Variants in PRRC2B observed in about 807,000 individuals in gnomAD.
The protein encoded by PRRC2B is proline rich coiled-coil 2B, also known as protein PRRC2B.
PRRC2B carries 68 observed loss-of-function variants against 242.3 expected under a neutral mutation model. The observed-to-expected ratio is 0.28, with a 90% CI of 0.23 to 0.34. The LOEUF is 0.34. PRRC2B is among the 10% of genes least tolerant of loss of function. The pLI, the probability that PRRC2B is intolerant of heterozygous loss-of-function variation, is 1.00. For synonymous variants in PRRC2B, 1,228 were observed against 1,173.6 expected, an observed-to-expected ratio of 1.05 and a Z score of -0.95; for missense variants, 2,835 against 2,954.8, an observed-to-expected ratio of 0.96 and a Z score of 0.94.
chr9:131,464,802 G>C lies in PRRC2B; in HGVS notation c.1444G>C (p.Glu482Gln). Residue 482 changes from glutamate to glutamine, a missense_variant, in exon 12 of 32, where the codon GAG (glutamate) becomes CAG (glutamine). This residue lies in a region of PRRC2B where 626 missense variants were observed against 685.5 expected (regional missense o/e 0.91). Transcript: ENST00000683519. The part of the protein sequence containing the change: ...MGSMFRQQSI[E>Q]DKEDKPPPRQ... Reference sequence around the variant, plus strand: ...CAGCATGTTCCGGCAACAGTCCATCGAGGACAAGGAGGACAAGCCCCCACC... The same window carrying C: ...CAGCATGTTCCGGCAACAGTCCATCCAGGACAAGGAGGACAAGCCCCCACC... 2 of 1,609,676 alleles carry C rather than the reference G, an allele frequency of 1.2e-6. No individual in the cohort carries two copies. Among genetic ancestry groups the C allele is most frequent in the Non-Finnish European group, 1.7e-6 (2 of 1,176,848 alleles).
At chr9:131,416,268 C>T (rs1837647956) in intron 1 of PRRC2B, among the ~76,000 whole-genome samples, 1 of 152,132 alleles carries the variant, frequency 6.6e-6, no homozygotes, top group Admixed American at 6.6e-5. Context: ...GCCACCACGC[C>T]TGACTAATTT....
intron 1 of PRRC2B, among the ~76,000 whole-genome samples, chr9:131,418,893 T>C (rs55982104): frequency 0.01 from 1,531 of 152,340 alleles, 23 homozygotes; most frequent in Non-Finnish European, 0.013. Context: ...GCGAGGCAGA[T>C]GATTAGTATT....
chr9:131,456,395 G>A (rs1383296735), intron 10 of PRRC2B, among the ~76,000 whole-genome samples: 2 of 151,944 alleles, frequency 1.3e-5, no homozygotes, highest in Non-Finnish European at 2.9e-5. Flanking sequence ...ACTTTGGGAG[G>A]CCAAGGCGGG....
chr9:131,476,445 G>A lies in PRRC2B; in HGVS notation c.4316G>A (p.Gly1439Glu), dbSNP rs1564297223. ...DRQSRKLEPG[G>E]FGEKPVRPGG... is the part of the protein sequence containing the mutation. ...CAGAGCCGAAAGCTGGAGCCGGGAG[G>A]GTTTGGGGAGAAGCCCGTTAGGCCA... The change falls in exon 16 of 32, where the codon GGG becomes GAG. Residue 1439 changes from glycine (G) to glutamate (E), a missense_variant. By Grantham distance (98) the Gly-to-Glu change is moderately conservative. Transcript: ENST00000683519. The A allele has an allele frequency of 1.2e-6, 2 of 1,613,260 alleles. No homozygotes were observed. Among genetic ancestry groups the A allele is most frequent in the African/African-American group, 1.3e-5 (1 of 75,048 alleles).
intron 1 of PRRC2B, among the ~76,000 whole-genome samples, chr9:131,380,054 G>A (rs1395966554): frequency 2.7e-5 from 4 of 147,824 alleles, no homozygotes; most frequent in Non-Finnish European, 6.0e-5. Flanking sequence ...GTGCAGTGGT[G>A]CAATCTTGGC....
At chr9:131,399,045 G>A (rs1837146859) in intron 1 of PRRC2B, among the ~76,000 whole-genome samples, 1 of 151,840 alleles carries the variant, frequency 6.6e-6, no homozygotes, top group Admixed American at 6.6e-5. Flanking sequence ...GCAGGCCGAG[G>A]TGGGCGGATC....
At chr9:131,488,202 G>C (rs908710265) in intron 28 of PRRC2B, 106 bp downstream of exon 28, 13 of 1,442,268 alleles carry the variant, frequency 9.0e-6, no homozygotes, top group Non-Finnish European at 1.2e-5. Flanking sequence ...TCGTGCTGTT[G>C]GTTGGTAGCC....
chr9:131,383,753 C>T (rs544852064), intron 1 of PRRC2B, among the ~76,000 whole-genome samples: 1 of 151,952 alleles, frequency 6.6e-6, no homozygotes, highest in South Asian at 2.1e-4. Flanking sequence ...TCCCAAATAG[C>T]TGGGACTACA....
chr9:131,410,947 A>G (rs1837491789), intron 1 of PRRC2B, among the ~76,000 whole-genome samples: 2 of 151,680 alleles, frequency 1.3e-5, no homozygotes, highest in South Asian at 4.2e-4. Flanking sequence ...TTTTTAGGAT[A>G]TTTCCTCTGA....
chr9:131,465,423 A>C (rs1231728058), intron 12 of PRRC2B, among the ~76,000 whole-genome samples: 3 of 152,108 alleles, frequency 2.0e-5, no homozygotes, highest in Non-Finnish European at 4.4e-5. Context: ...TTGTTAAACT[A>C]GCTGGTGAGC....
rs780635167 is a variant in PRRC2B, at chr9:131,430,246, G to A, written c.102G>A (p.Ala34=). 4.4e-6 allele frequency: 7 copies of A among 1,590,986 alleles called. No homozygotes were observed. Among genetic ancestry groups the A allele is most frequent in the African/African-American group, 1.3e-5 (1 of 74,300 alleles). ...FDKYKGKSVD[A]IRSSVIPRHG... ...AGTATAAAGGAAAATCAGTAGACGC[G>A]ATTAGATCCTCAGGTAAGGCCCAGG... Residue 34 remains alanine, a synonymous_variant, in exon 2 of 32, where the codon GCG becomes GCA. Transcript: ENST00000683519.
Position 131,481,591 on chromosome 9 carries a change from C to T in PRRC2B, c.4901-135C>T, listed in dbSNP as rs556998659. The T allele has an allele frequency of 4.3e-4, 295 of 693,844 alleles. 1 individual carries two copies. The African/African-American group carries it at 4.3e-3, about 10-fold the overall frequency. 43.0% of individuals were successfully genotyped at this position (693,844 alleles called of 1,614,324 possible). On this transcript the variant is annotated intron_variant, in intron 19 of 31. Coordinates refer to ENST00000683519, the MANE Select transcript of PRRC2B (RefSeq NM_013318.4). ...TTCACTGGGTGTCACGGGTAGGGGG[C>T]TGGGGTGGCGGGTGCAGGGGAGGCA...
rs779279036 is a variant in PRRC2B at position 131,473,661 on chromosome 9, G to A, written c.2261G>A (p.Ser754Asn). Residue 754 changes from serine to asparagine, a missense_variant, in exon 15 of 32, where the codon AGC (serine) becomes AAC (asparagine). Around this residue, in one of 7 missense-constraint regions of PRRC2B, gnomAD observed 1,536 missense variants for 1,483.1 expected, o/e 1.04. Transcript: ENST00000683519. ...CCAGAGGGCTACATGGCACTGCAGA[G>A]CAAGGGCTACCCGCTCCCGCACCCG... ...WSPEGYMALQ[S>N]KGYPLPHPKS... The A allele has an allele frequency of 6.2e-7, 1 of 1,613,800 alleles. No homozygotes were observed. Among genetic ancestry groups the A allele is most frequent in the South Asian group, 1.1e-5 (1 of 91,072 alleles).
intron 10 of PRRC2B, among the ~76,000 whole-genome samples, chr9:131,457,208 G>A (rs1415587568): frequency 1.3e-5 from 2 of 152,228 alleles, no homozygotes; most frequent in East Asian, 3.9e-4. Context: ...GATTTCAGCT[G>A]AAGCTTTGGA....
intron 1 of PRRC2B, among the ~76,000 whole-genome samples, chr9:131,409,038 CT>C (rs199836148): frequency 1.6e-4 from 20 of 127,070 alleles, no homozygotes; most frequent in African/African-American, 5.4e-4. Flanking sequence ...TTTTTTTTTC[CT>C]GAGATGGAGT....
At chr9:131,378,985 C>G (rs528722102) in intron 1 of PRRC2B, among the ~76,000 whole-genome samples, 13 of 152,280 alleles carry the variant, frequency 8.5e-5, no homozygotes, top group African/African-American at 2.6e-4. Flanking sequence ...TTCCAACGTG[C>G]TGGGATTACA....
chr9:131,444,361 A>G, intron 6 of PRRC2B, 33 bp downstream of exon 6: 1 of 1,599,388 alleles, frequency 6.3e-7, no homozygotes, highest in Admixed American at 1.7e-5. Context: ...CACTCGATGG[A>G]GTAACAGAAC....
At chr9:131,436,871 AAAACCGTCATGGG>A (rs1326147236) in intron 4 of PRRC2B, 149 bp downstream of exon 4, 5 of 638,144 alleles carry the variant, frequency 7.8e-6, no homozygotes, top group South Asian at 2.0e-5. Context: ...GTGACTTTAG[AAAACCGTCATGGG>A]AAACCGTCAA....
chr9:131,400,607 C>T lies in PRRC2B; in HGVS notation c.-52+6344C>T, dbSNP rs770388249. On this transcript the variant is annotated intron_variant, in intron 1 of 31. Coordinates refer to ENST00000683519, the MANE Select transcript of PRRC2B (RefSeq NM_013318.4). The stretch of plus-strand genomic sequence containing the variant: ...TGCTGGGATGACAGGTGTGAGCCAC[C>T]GTGCCTGGACACCCAGGCTGTTTCA... 3.9e-5 allele frequency among the ~76,000 whole-genome samples: 6 copies of T among 152,184 alleles called. No homozygotes were observed. In the East Asian group the frequency reaches 5.8e-4, roughly 15 times the overall value.
Sources: gnomAD v4.1 joint callset for allele counts (sites outside exome capture counted in the v4.1 genomes callset) on GRCh38, gnomAD v4.1.1 for gene constraint, gnomAD v4.1.1 regional missense constraint, MANE v1.5 for transcripts, NCBI Gene and HGNC (gene_info 2026-07-23, HGNC 2026-07-21) for gene names.